The following NKAIN3 variants were observed in gnomAD, a reference collection of about 807,000 sequenced individuals.
NKAIN3 encodes sodium/potassium-transporting ATPase subunit beta-1-interacting protein 3.
NKAIN3 carries 25 observed loss-of-function variants against 30.2 expected under a neutral mutation model. The observed-to-expected ratio is 0.83, with a 90% CI of 0.60 to 1.16. The LOEUF (loss-of-function observed/expected upper bound fraction) is 1.16, where lower values mean the gene tolerates loss of function less well. NKAIN3 is among the 50% of genes most tolerant of loss of function. The probability of loss-of-function intolerance (pLI) is 0.00; values close to 1 mark genes in which losing one functional copy is unlikely to be tolerated. For missense variants in NKAIN3, 225 were observed against 254.1 expected (o/e 0.89, Z 0.78); for synonymous variants, 91 against 89.6 (o/e 1.02, Z -0.09).
chr8:62,542,844 C>A (rs13256147), intron 1 of NKAIN3, among the ~76,000 whole-genome samples: 2 of 151,970 alleles, frequency 1.3e-5, no homozygotes, highest in Admixed American at 6.6e-5. Flanking sequence ...ATTTGTTTTT[C>A]CCACATGCAT....
chr8:62,301,933 A>G (rs749450594), intron 1 of NKAIN3, among the ~76,000 whole-genome samples: 1 of 152,062 alleles, frequency 6.6e-6, no homozygotes, highest in African/African-American at 2.4e-5. Context: ...GCCTTACTCC[A>G]TGCTATCTTA....
intron 4 of NKAIN3, among the ~76,000 whole-genome samples, chr8:62,809,107 C>T (rs974915022): frequency 7.9e-5 from 12 of 152,138 alleles, no homozygotes; most frequent in South Asian, 2.1e-4. Flanking sequence ...CATATGGCTC[C>T]GTTCCGCCCA....
chr8:62,557,929 T>C (rs777847185), intron 1 of NKAIN3, among the ~76,000 whole-genome samples: 9 of 152,000 alleles, frequency 5.9e-5, no homozygotes, highest in Non-Finnish European at 1.0e-4. Context: ...CCAGCTATTT[T>C]TCTTTGTTTT....
At chr8:62,442,439 A>C (rs1292871739) in intron 1 of NKAIN3, among the ~76,000 whole-genome samples, 2 of 151,982 alleles carry the variant, frequency 1.3e-5, no homozygotes, top group Non-Finnish European at 2.9e-5. Flanking sequence ...TTTCCCTTTC[A>C]AATTCTATAA....
intron 3 of NKAIN3, among the ~76,000 whole-genome samples, chr8:62,713,591 G>A (rs561222295): frequency 6.6e-5 from 10 of 152,252 alleles, no homozygotes; most frequent in Non-Finnish European, 4.4e-5. Context: ...ATTAATGTTT[G>A]CGTTTTGTTA....
rs140893686 is a variant in NKAIN3 at position 62,490,293 on chromosome 8, T to C, written c.55-89246T>C. Among the ~76,000 whole-genome samples, 111 of 152,294 alleles carry C rather than the reference T, an allele frequency of 7.3e-4. No individual in the cohort carries two copies. The East Asian group carries it at 0.021, about 29-fold the overall frequency. On this transcript the variant is annotated intron_variant, in intron 1 of 6. Transcript: ENST00000623646. ...AAAGAAGAAATTCCATTTGTGCCCA[T>C]GCCCATGGGTCCTAACCTGCCCTTC... is the stretch of plus-strand genomic sequence containing the variant.
intron 1 of NKAIN3, among the ~76,000 whole-genome samples, chr8:62,287,541 G>A (rs2351648): frequency 0.062 from 9,463 of 151,996 alleles, 984 homozygotes; most frequent in African/African-American, 0.21. Context: ...TTTTTGGGGG[G>A]AATTCTTGAA....
chr8:62,839,372 C>A (rs1016743414), intron 4 of NKAIN3, among the ~76,000 whole-genome samples: 8 of 148,876 alleles, frequency 5.4e-5, no homozygotes, highest in Non-Finnish European at 8.9e-5. Context: ...TTGTCTCTAT[C>A]AAACAAATTT....
chr8:62,825,986 C>T (rs1372104482), intron 4 of NKAIN3, among the ~76,000 whole-genome samples: 20 of 152,188 alleles, frequency 1.3e-4, no homozygotes, highest in Admixed American at 1.3e-3. Context: ...AATAGCATCC[C>T]TGAAGGTGAG....
chr8:62,965,467 A>G lies in NKAIN3; in HGVS notation c.*60A>G. On this transcript the variant is annotated 3_prime_UTR_variant, in exon 7 of 7. Coordinates refer to ENST00000623646, the MANE Select transcript of NKAIN3 (RefSeq NM_001304533.3). Reference sequence around the variant, plus strand: ...ATCCGACCCGCCTGACATTCCTTCCAGAGGCTAGACTGTGCTTCCTGGCTT... The same window carrying G: ...ATCCGACCCGCCTGACATTCCTTCCGGAGGCTAGACTGTGCTTCCTGGCTT... The G allele has an allele frequency of 2.0e-6, 2 of 985,752 alleles. No homozygotes were observed. The highest frequency in any genetic ancestry group is 2.4e-6 in the Non-Finnish European group (2 of 829,932). 61.1% of individuals were successfully genotyped at this position (985,752 alleles called of 1,614,324 possible).
chr8:62,829,786 C>T (rs971818081), intron 4 of NKAIN3, among the ~76,000 whole-genome samples: 1 of 149,906 alleles, frequency 6.7e-6, no homozygotes, highest in Non-Finnish European at 1.5e-5. Flanking sequence ...AAAAGGAAAG[C>T]CATTTAAAAG....
intron 4 of NKAIN3, among the ~76,000 whole-genome samples, chr8:62,866,291 T>C (rs969697561): frequency 6.6e-6 from 1 of 152,198 alleles, no homozygotes; most frequent in African/African-American, 2.4e-5. Flanking sequence ...ACACAAGGTA[T>C]GGTATATACA....
intron 4 of NKAIN3, among the ~76,000 whole-genome samples, chr8:62,768,167 TC>T (rs1334537454): frequency 6.6e-6 from 1 of 152,148 alleles, no homozygotes; most frequent in East Asian, 1.9e-4. Context: ...GCCTCTACAT[TC>T]AAAATCCATC....
In NKAIN3 at chr8:62,966,272, T is replaced by A. The variant is rs1291125581; in HGVS notation, c.*865T>A. 4 of 984,966 alleles carry A rather than the reference T, an allele frequency of 4.1e-6. No homozygotes were observed. Among genetic ancestry groups the A allele is most frequent in the Non-Finnish European group, 4.8e-6 (4 of 829,666 alleles). The allele number at this position is 984,966 out of a possible 1,614,324, so 61.0% of individuals were successfully genotyped here. ...ATTCAAAAGAAGCCTGAAAATGCTG[T>A]AGCATTCTCTATAAATACTTCTAAA... is the stretch of plus-strand genomic sequence containing the variant. On this transcript the variant is annotated 3_prime_UTR_variant, in exon 7 of 7. Coordinates refer to ENST00000623646, the MANE Select transcript of NKAIN3 (RefSeq NM_001304533.3).
chr8:62,330,591 A>G (rs1815311656), intron 1 of NKAIN3, among the ~76,000 whole-genome samples: 1 of 151,974 alleles, frequency 6.6e-6, no homozygotes, highest in Non-Finnish European at 1.5e-5. Flanking sequence ...GATTGACACC[A>G]CAGATCACTC....
intron 5 of NKAIN3, among the ~76,000 whole-genome samples, chr8:62,928,504 C>T (rs921954232): frequency 6.6e-6 from 1 of 152,180 alleles, no homozygotes; most frequent in African/African-American, 2.4e-5. Context: ...CAGCTATGTA[C>T]AAGCTTGTGT....
At chr8:62,267,299 A>C (rs1239323949) in intron 1 of NKAIN3, among the ~76,000 whole-genome samples, 10 of 152,250 alleles carry the variant, frequency 6.6e-5, no homozygotes, top group African/African-American at 2.4e-4. Context: ...ATTTTCCTGC[A>C]AAACATTTTT....
rs571217917 is a variant in NKAIN3, at chr8:62,965,003, G to GTA, written c.604-350_604-349dup. Among the ~76,000 whole-genome samples, 9 of 152,250 alleles carry GTA rather than the reference G, an allele frequency of 5.9e-5. No homozygotes were observed. The South Asian group carries it at 1.9e-3, about 32-fold the overall frequency. On this transcript the variant is annotated intron_variant, in intron 6 of 6. Transcript: ENST00000623646. The stretch of plus-strand genomic sequence containing the variant: ...TGAGCACTTAACTACCCAGCATACT[G>GTA]TAGAAAGAACAGGCTATGTGAATAT...
At chr8:62,299,379 T>C (rs1401464914) in intron 1 of NKAIN3, among the ~76,000 whole-genome samples, 1 of 151,994 alleles carries the variant, frequency 6.6e-6, no homozygotes, top group African/African-American at 2.4e-5. Context: ...CCACAGTGGC[T>C]TGGTTGAGTG....
Sources: allele counts gnomAD v4.1 joint callset (sites outside exome capture counted in the v4.1 genomes callset), GRCh38; gene constraint gnomAD v4.1.1; transcripts MANE v1.5; gene names NCBI Gene and HGNC (gene_info 2026-07-23, HGNC 2026-07-21).